GRM7: variants seen among roughly 807,000 people sequenced by gnomAD.
GRM7 encodes metabotropic glutamate receptor 7.
GRM7 carries 35 observed loss-of-function variants against 84.5 expected under a neutral mutation model. The ratio of observed to expected loss-of-function variants is 0.41; its 90% CI spans 0.32 to 0.55. The LOEUF (loss-of-function observed/expected upper bound fraction) is 0.55, where lower values mean the gene tolerates loss of function less well. Among genes scored for constraint, GRM7 ranks in the 20% least tolerant of loss-of-function variants. The pLI is 0.19. For missense variants in GRM7, 1,003 were observed against 1,194.6 expected (o/e 0.84, Z 2.36); for synonymous variants, 487 against 455.1 (o/e 1.07, Z -0.89).
intron 4 of GRM7, among the ~76,000 whole-genome samples, chr3:7,340,875 G>A (rs1180287209): frequency 1.3e-5 from 2 of 152,142 alleles, no homozygotes; most frequent in Non-Finnish European, 2.9e-5. Context: ...CAGTGCAAGG[G>A]TAGGAATTAC....
intron 4 of GRM7, among the ~76,000 whole-genome samples, chr3:7,390,057 T>G (rs1694931359): frequency 6.6e-6 from 1 of 152,150 alleles, no homozygotes; most frequent in Admixed American, 6.6e-5. Flanking sequence ...TGGTGGTGAT[T>G]AATTCCCCTA....
chr3:7,150,749 G>C (rs1188603081), intron 2 of GRM7, among the ~76,000 whole-genome samples: 1 of 152,160 alleles, frequency 6.6e-6, no homozygotes, highest in Non-Finnish European at 1.5e-5. Flanking sequence ...ATTCAGGTCA[G>C]CAAAAATGAC....
At chr3:7,438,692 C>A (rs1185048967) in intron 5 of GRM7, among the ~76,000 whole-genome samples, 1 of 152,126 alleles carries the variant, frequency 6.6e-6, no homozygotes, top group Admixed American at 6.5e-5. Context: ...AACCACCCTC[C>A]TGCCCTTCAG....
intron 2 of GRM7, among the ~76,000 whole-genome samples, chr3:7,175,311 G>T (rs1695109040): frequency 6.6e-6 from 1 of 152,158 alleles, no homozygotes; most frequent in Non-Finnish European, 1.5e-5. Context: ...AGTTTTCAAA[G>T]CTTGCCTTGA....
At chr3:7,448,851 T>C (rs1467221933) in intron 5 of GRM7, among the ~76,000 whole-genome samples, 1 of 152,128 alleles carries the variant, frequency 6.6e-6, no homozygotes, top group Non-Finnish European at 1.5e-5. Context: ...TCCAGGATGA[T>C]TGTCTTTATT....
At chr3:6,986,905 C>G (rs1286758240) in intron 1 of GRM7, among the ~76,000 whole-genome samples, 1 of 152,158 alleles carries the variant, frequency 6.6e-6, no homozygotes, top group Non-Finnish European at 1.5e-5. Context: ...AGCATAGTAC[C>G]TGTTACTCAG....
intron 5 of GRM7, among the ~76,000 whole-genome samples, chr3:7,444,610 CAT>C (rs942260384): frequency 2.7e-4 from 41 of 152,272 alleles, no homozygotes; most frequent in African/African-American, 9.6e-4. Context: ...ACACCTTTCA[CAT>C]GTTTGGAGTG....
chr3:6,866,415 C>G (rs1694940053), intron 1 of GRM7, among the ~76,000 whole-genome samples: 1 of 150,508 alleles, frequency 6.6e-6, no homozygotes, highest in African/African-American at 2.4e-5. Context: ...AAAACTTTGT[C>G]TTGTCAAAAC....
At chr3:7,454,574 A>C (rs1272238270) in intron 6 of GRM7, among the ~76,000 whole-genome samples, 1 of 152,182 alleles carries the variant, frequency 6.6e-6, no homozygotes, top group East Asian at 1.9e-4. Context: ...AACTGTACAC[A>C]TATATTAGAC....
At chr3:7,018,580 A>G (rs1472752430) in intron 1 of GRM7, among the ~76,000 whole-genome samples, 1 of 152,228 alleles carries the variant, frequency 6.6e-6, no homozygotes, top group African/African-American at 2.4e-5. Flanking sequence ...AGAGGCATCA[A>G]AGAAGGCTGA....
rs868519806 is a variant in GRM7, at chr3:7,579,414, T to G, written c.2451+57T>G. 5.5e-5 allele frequency: 53 copies of G among 963,676 alleles called. 3 individuals are homozygous for G. The South Asian group carries it at 9.1e-4, about 17-fold the overall frequency. The allele number at this position is 963,676 out of a possible 1,614,324, so 59.7% of individuals were successfully genotyped here. On this transcript the variant is annotated intron_variant, in intron 8 of 9. Coordinates refer to ENST00000357716, the MANE Select transcript of GRM7 (RefSeq NM_000844.4). ...TTAAAAATGTGTTCATTTTTGTAAG[T>G]ACTGAAACCAAATTGATTGTATAAA...
chr3:7,341,436 AAAG>A (rs1464266273), intron 4 of GRM7, among the ~76,000 whole-genome samples: 7 of 152,028 alleles, frequency 4.6e-5, no homozygotes, highest in African/African-American at 1.4e-4. Context: ...TTTGTTAAAT[AAAG>A]AAGAAGTCAT....
chr3:6,902,438 A>G (rs1696421632), intron 1 of GRM7, among the ~76,000 whole-genome samples: 1 of 152,150 alleles, frequency 6.6e-6, no homozygotes, highest in Admixed American at 6.6e-5. Flanking sequence ...TTTTAATGTT[A>G]TTGAAGTATA....
chr3:7,342,888 G>C (rs1475503892), intron 4 of GRM7, among the ~76,000 whole-genome samples: 3 of 152,050 alleles, frequency 2.0e-5, no homozygotes, highest in Non-Finnish European at 4.4e-5. Context: ...TTGAACTTTT[G>C]GGGGACTGCA....
At chr3:7,695,740 C>T (rs765214488) in intron 9 of GRM7, among the ~76,000 whole-genome samples, 4 of 152,068 alleles carry the variant, frequency 2.6e-5, no homozygotes, top group East Asian at 1.9e-4. Context: ...TAGTAACTAC[C>T]GCATGGGGCA....
At chr3:7,529,075 C>T (rs1436881583) in intron 7 of GRM7, among the ~76,000 whole-genome samples, 2 of 151,856 alleles carry the variant, frequency 1.3e-5, no homozygotes, top group African/African-American at 4.8e-5. Context: ...TAGTTTTCTG[C>T]CTTGATCTGT....
chr3:7,585,683 G>A (rs1205708260), intron 8 of GRM7, among the ~76,000 whole-genome samples: 1 of 152,150 alleles, frequency 6.6e-6, no homozygotes, highest in Non-Finnish European at 1.5e-5. Context: ...CCCCATAGGT[G>A]TCTTGCGCTT....
chr3:7,215,397 G>A (rs897067938), intron 2 of GRM7, among the ~76,000 whole-genome samples: 17 of 152,188 alleles, frequency 1.1e-4, no homozygotes, highest in Non-Finnish European at 2.5e-4. Context: ...GGGCACGGTG[G>A]ATCACGCCTG....
intron 1 of GRM7, among the ~76,000 whole-genome samples, chr3:7,094,994 TA>T (rs560630645): frequency 6.2e-4 from 94 of 151,900 alleles, no homozygotes; most frequent in African/African-American, 2.2e-3. Flanking sequence ...TTTTTTTTTT[TA>T]ACCTGGGGAG....
Sources: allele counts gnomAD v4.1 joint callset (sites outside exome capture counted in the v4.1 genomes callset), GRCh38; gene constraint gnomAD v4.1.1; transcripts MANE v1.5; gene names NCBI Gene and HGNC (gene_info 2026-07-23, HGNC 2026-07-21).